Variants in CHST8 observed in about 807,000 individuals in gnomAD.
The protein encoded by CHST8 is carbohydrate sulfotransferase 8.
In CHST8, 10 loss-of-function variants were observed where a neutral mutation model predicts 15.0. The ratio of observed to expected loss-of-function variants is 0.67; its 90% CI spans 0.41 to 1.13. The LOEUF (loss-of-function observed/expected upper bound fraction) is 1.13. CHST8 is among the 50% of genes most tolerant of loss of function. The probability of loss-of-function intolerance (pLI) is 0.00; values close to 1 mark genes in which losing one functional copy is unlikely to be tolerated. For synonymous variants in CHST8, 259 were observed against 256.6 expected, an observed-to-expected ratio of 1.01 and a Z score of -0.09; for missense variants, 634 against 608.2, an observed-to-expected ratio of 1.04 and a Z score of -0.45.
chr19:33,766,654 G>A (rs1284879052), intron 3 of CHST8, among the ~76,000 whole-genome samples: 2 of 152,228 alleles, frequency 1.3e-5, no homozygotes, highest in African/African-American at 2.4e-5. Context: ...AGGTGGAGCC[G>A]AAGCTCAGAA....
At chr19:33,682,226 T>G (rs1469857702) in intron 2 of CHST8, among the ~76,000 whole-genome samples, 1 of 142,388 alleles carries the variant, frequency 7.0e-6, no homozygotes, top group African/African-American at 2.7e-5. Flanking sequence ...AGAGTCTCGC[T>G]CTGTTGCCCT....
At chr19:33,655,117 G>T (rs900572977) in intron 1 of CHST8, among the ~76,000 whole-genome samples, 1 of 152,132 alleles carries the variant, frequency 6.6e-6, no homozygotes, top group Non-Finnish European at 1.5e-5. Flanking sequence ...GCTCACTGCA[G>T]CCTCCGCCTC....
chr19:33,745,144 A>G (rs1974288263), intron 3 of CHST8, among the ~76,000 whole-genome samples: 1 of 152,080 alleles, frequency 6.6e-6, no homozygotes, highest in Non-Finnish European at 1.5e-5. Context: ...TGGACTCCCA[A>G]AGTGTTGGGA....
chr19:33,769,210 G>A (rs867213133), intron 3 of CHST8, among the ~76,000 whole-genome samples: 4 of 152,190 alleles, frequency 2.6e-5, no homozygotes, highest in Admixed American at 6.5e-5. Context: ...CTCAGGGGCT[G>A]CAACCTCAAC....
chr19:33,746,380 T>A (rs1974313514), intron 3 of CHST8, among the ~76,000 whole-genome samples: 1 of 152,176 alleles, frequency 6.6e-6, no homozygotes, highest in African/African-American at 2.4e-5. Context: ...CAACCACTGA[T>A]CTTATTCCAT....
rs766431389 is a variant in CHST8 at position 33,773,068 on chromosome 19, C to A, written c.*5C>A. On this transcript the variant is annotated 3_prime_UTR_variant, in exon 5 of 5. Coordinates refer to ENST00000650847, the MANE Select transcript of CHST8 (RefSeq NM_001127895.2). Reference sequence around the variant, plus strand: ...CCCTTTGCAGATCTGTACTGAGGGGCGCCGCAGCTGGCCGGGGCCGCCCTG... The same window carrying A: ...CCCTTTGCAGATCTGTACTGAGGGGAGCCGCAGCTGGCCGGGGCCGCCCTG... 9 of 1,582,606 alleles carry A rather than the reference C, an allele frequency of 5.7e-6. No homozygotes were observed. Among genetic ancestry groups the A allele is most frequent in the Non-Finnish European group, 7.7e-6 (9 of 1,166,204 alleles).
intron 1 of CHST8, among the ~76,000 whole-genome samples, chr19:33,661,700 A>G (rs1051915120): frequency 6.6e-6 from 1 of 152,106 alleles, no homozygotes; most frequent in African/African-American, 2.4e-5. Flanking sequence ...GCTGCCTCTC[A>G]TCTGTTCTTC....
chr19:33,701,452 G>T (rs1973334864), intron 3 of CHST8, among the ~76,000 whole-genome samples: 1 of 152,182 alleles, frequency 6.6e-6, no homozygotes, highest in Non-Finnish European at 1.5e-5. Context: ...GCTGTAATCT[G>T]AAAATTGATA....
intron 3 of CHST8, among the ~76,000 whole-genome samples, chr19:33,717,989 T>C (rs1301230007): frequency 6.6e-6 from 1 of 152,096 alleles, no homozygotes; most frequent in Non-Finnish European, 1.5e-5. Flanking sequence ...GGACTTGCAG[T>C]CTCCATCCTG....
At chr19:33,681,459 A>T (rs1269097077) in intron 2 of CHST8, among the ~76,000 whole-genome samples, 1 of 152,108 alleles carries the variant, frequency 6.6e-6, no homozygotes, top group Non-Finnish European at 1.5e-5. Context: ...TCCTTCCTAG[A>T]GTGTAGAACT....
At chr19:33,662,869 C>T (rs1428666885) in intron 1 of CHST8, among the ~76,000 whole-genome samples, 1 of 152,186 alleles carries the variant, frequency 6.6e-6, no homozygotes, top group African/African-American at 2.4e-5. Flanking sequence ...TTTATATTTG[C>T]AAGGGCCAGA....
intron 1 of CHST8, among the ~76,000 whole-genome samples, chr19:33,625,378 G>A (rs1159118715): frequency 2.7e-5 from 4 of 148,990 alleles, no homozygotes; most frequent in East Asian, 4.3e-4. Flanking sequence ...ACCGCGCCCC[G>A]CATGGCTGCT....
chr19:33,638,990 C>T (rs1035806375), intron 1 of CHST8, among the ~76,000 whole-genome samples: 3 of 148,040 alleles, frequency 2.0e-5, no homozygotes, highest in African/African-American at 7.5e-5. Context: ...TCTAAAATTG[C>T]TGTCAGCCAG....
chr19:33,702,308 G>T (rs975554028), intron 3 of CHST8, among the ~76,000 whole-genome samples: 1 of 151,512 alleles, frequency 6.6e-6, no homozygotes, highest in Non-Finnish European at 1.5e-5. Context: ...TAAGGTAAGG[G>T]GTCTTGCTCT....
At chr19:33,711,289 CT>C (rs1430212915) in intron 3 of CHST8, among the ~76,000 whole-genome samples, 1 of 148,356 alleles carries the variant, frequency 6.7e-6, no homozygotes, top group Non-Finnish European at 1.5e-5. Context: ...GGACTGGGGT[CT>C]TGATATCTAC....
At chr19:33,669,043 G>A (rs1972700001) in intron 2 of CHST8, among the ~76,000 whole-genome samples, 3 of 152,160 alleles carry the variant, frequency 2.0e-5, no homozygotes, top group African/African-American at 7.2e-5. Context: ...TGCTTCTAAT[G>A]TTATGAGAGG....
intron 2 of CHST8, among the ~76,000 whole-genome samples, chr19:33,672,373 T>C (rs773635079): frequency 6.6e-6 from 1 of 152,094 alleles, no homozygotes; most frequent in Admixed American, 6.6e-5. Context: ...GATTTTTGTA[T>C]TTTTTGTAGA....
chr19:33,667,433 T>C (rs536697526), intron 1 of CHST8, among the ~76,000 whole-genome samples: 17 of 152,146 alleles, frequency 1.1e-4, no homozygotes, highest in Non-Finnish European at 2.2e-4. Flanking sequence ...TCTATTTTGG[T>C]TCTTGCTTTG....
intron 3 of CHST8, among the ~76,000 whole-genome samples, chr19:33,759,138 C>T (rs2145374587): frequency 6.6e-6 from 1 of 152,292 alleles, no homozygotes; most frequent in East Asian, 1.9e-4. Flanking sequence ...CCACCAGGAC[C>T]CACCCCCAAC....
Sources: allele counts gnomAD v4.1 joint callset (sites outside exome capture counted in the v4.1 genomes callset), GRCh38; gene constraint gnomAD v4.1.1; transcripts MANE v1.5; gene names NCBI Gene and HGNC (gene_info 2026-07-23, HGNC 2026-07-21).